The following ESRRG variants were observed in gnomAD, a reference collection of about 807,000 sequenced individuals.
The protein encoded by ESRRG is estrogen-related receptor gamma.
In ESRRG, 13 loss-of-function variants were observed where a neutral mutation model predicts 44.0. The observed-to-expected ratio is 0.30, with a 90% CI of 0.19 to 0.47. The LOEUF is 0.47. Ranked by LOEUF, ESRRG falls within the 20% of genes least tolerant of loss-of-function variation. ESRRG has a pLI of 1.00. For synonymous variants in ESRRG, 215 were observed against 214.6 expected (o/e 1.00, Z -0.02); for missense variants, 395 against 580.6 (o/e 0.68, Z 3.29).
At chr1:216,987,433 T>C (rs2075048014) in intron 1 of ESRRG, among the ~76,000 whole-genome samples, 1 of 152,220 alleles carries the variant, frequency 6.6e-6, no homozygotes, top group African/African-American at 2.4e-5. Context: ...TTTCTCATAC[T>C]GAACGTTTGG....
intron 1 of ESRRG, among the ~76,000 whole-genome samples, chr1:217,100,409 C>T (rs913849044): frequency 1.3e-5 from 2 of 152,168 alleles, no homozygotes; most frequent in African/African-American, 2.4e-5. Flanking sequence ...GTTAGGTGCC[C>T]TTTGACAGTA....
At chr1:216,647,409 T>C (rs959590981) in intron 3 of ESRRG, among the ~76,000 whole-genome samples, 1 of 152,212 alleles carries the variant, frequency 6.6e-6, no homozygotes, top group African/African-American at 2.4e-5. Flanking sequence ...TGTTTTACTG[T>C]ACTTCTCAAA....
intron 2 of ESRRG, among the ~76,000 whole-genome samples, chr1:216,932,454 G>A (rs538581236): frequency 1.9e-4 from 29 of 152,176 alleles, no homozygotes; most frequent in South Asian, 1.7e-3. Context: ...ACTACTTCCC[G>A]ATAATAAATT....
chr1:216,907,375 G>T (rs1188677964), intron 2 of ESRRG, among the ~76,000 whole-genome samples: 5 of 152,176 alleles, frequency 3.3e-5, no homozygotes, highest in Non-Finnish European at 7.3e-5. Flanking sequence ...AGGGATTCCG[G>T]CTCGGCAACT....
At chr1:216,960,095 T>G (rs1374139974) in intron 1 of ESRRG, among the ~76,000 whole-genome samples, 2 of 152,036 alleles carry the variant, frequency 1.3e-5, no homozygotes, top group Non-Finnish European at 2.9e-5. Context: ...TACATTTAAT[T>G]TGAATTACAA....
chr1:216,574,840 GT>G (rs1357860743), intron 3 of ESRRG, among the ~76,000 whole-genome samples: 2 of 152,096 alleles, frequency 1.3e-5, no homozygotes, highest in African/African-American at 4.8e-5. Context: ...AAACAATAAG[GT>G]AAAGAGGACA....
intron 2 of ESRRG, among the ~76,000 whole-genome samples, chr1:216,844,784 G>A (rs972940990): frequency 1.3e-5 from 2 of 150,196 alleles, no homozygotes; most frequent in Non-Finnish European, 2.9e-5. Flanking sequence ...TGTGTGTGTG[G>A]TGTGCACACA....
At chr1:217,001,352 T>G (rs2077013299) in intron 1 of ESRRG, among the ~76,000 whole-genome samples, 1 of 152,214 alleles carries the variant, frequency 6.6e-6, no homozygotes, top group African/African-American at 2.4e-5. Flanking sequence ...CACCAGAGTC[T>G]GAAAATGAGT....
intron 2 of ESRRG, among the ~76,000 whole-genome samples, chr1:216,907,845 G>A (rs1469499082): frequency 6.6e-6 from 1 of 152,062 alleles, no homozygotes; most frequent in African/African-American, 2.4e-5. Context: ...AGGAAGCCAG[G>A]CACAAAGAAT....
intron 5 of ESRRG, among the ~76,000 whole-genome samples, chr1:216,534,284 A>G (rs189209072): frequency 6.6e-6 from 1 of 152,234 alleles, no homozygotes; most frequent in African/African-American, 2.4e-5. Flanking sequence ...AAATCAAATG[A>G]GAGAAGGAAA....
intron 1 of ESRRG, among the ~76,000 whole-genome samples, chr1:216,977,715 G>T (rs1334044870): frequency 1.3e-5 from 2 of 152,042 alleles, no homozygotes; most frequent in Non-Finnish European, 2.9e-5. Flanking sequence ...TAACCAGCTG[G>T]GTTGCTGTGG....
chr1:216,605,379 TA>T (rs374667676), intron 3 of ESRRG, among the ~76,000 whole-genome samples: 28 of 150,872 alleles, frequency 1.9e-4, no homozygotes, highest in African/African-American at 6.1e-4. Flanking sequence ...ATCATTCTAT[TA>T]AAAAAAAACA....
At chr1:217,014,984 C>G (rs1036470315) in intron 1 of ESRRG, among the ~76,000 whole-genome samples, 1 of 152,140 alleles carries the variant, frequency 6.6e-6, no homozygotes, top group Non-Finnish European at 1.5e-5. Context: ...ACATTCCAAG[C>G]ATCACTTAGA....
chr1:216,529,985 G>A (rs2048807268), intron 5 of ESRRG, among the ~76,000 whole-genome samples: 2 of 151,612 alleles, frequency 1.3e-5, no homozygotes, highest in Non-Finnish European at 1.5e-5. Flanking sequence ...AGTGGCATGG[G>A]TATGTATTCC....
intron 2 of ESRRG, among the ~76,000 whole-genome samples, chr1:216,914,955 G>C (rs1309067430): frequency 6.6e-6 from 1 of 152,182 alleles, no homozygotes; most frequent in Non-Finnish European, 1.5e-5. Context: ...TTAAGTACTA[G>C]TTTCCCAGAC....
intron 5 of ESRRG, among the ~76,000 whole-genome samples, chr1:216,531,856 G>T (rs1386033620): frequency 1.3e-5 from 2 of 152,008 alleles, no homozygotes; most frequent in African/African-American, 4.8e-5. Flanking sequence ...GCTTTGATCT[G>T]CTGGAGAGTG....
rs6143621 is a variant in ESRRG at position 216,983,686 on chromosome 1, ATGTGTGTGTG to A, written c.-105-44023_-105-44014del. Among the ~76,000 whole-genome samples the A allele has an allele frequency of 9.1e-3, 1,357 of 149,448 alleles. 19 individuals carry two copies. The highest frequency in any genetic ancestry group is 0.019 in the African/African-American group (789 of 40,748). On this transcript the variant is annotated intron_variant, in intron 1 of 7. Transcript: ENST00000359162. Reference sequence around the variant, plus strand: ...AATAATCCCTTTCGCGTGCATGTGCATGTGTGTGTGTGTGTGTGTGTGTGTGTGTGTGTGT... The same window carrying A: ...AATAATCCCTTTCGCGTGCATGTGCATGTGTGTGTGTGTGTGTGTGTGTGT...
intron 1 of ESRRG, chr1:216,714,672 G>T (rs2084415403): frequency 2.4e-6 from 1 of 410,594 alleles, no homozygotes; most frequent in Non-Finnish European, 3.3e-6. Flanking sequence ...TACAATTTGA[G>T]TTTTTAACCT....
At chr1:216,625,319 C>T (rs1196313710) in intron 3 of ESRRG, among the ~76,000 whole-genome samples, 1 of 151,012 alleles carries the variant, frequency 6.6e-6, no homozygotes, top group Non-Finnish European at 1.5e-5. Flanking sequence ...ACTGGGTCCA[C>T]CCTGCTTATC....
Sources: gnomAD v4.1 joint callset for allele counts (sites outside exome capture counted in the v4.1 genomes callset) on GRCh38, gnomAD v4.1.1 for gene constraint, MANE v1.5 for transcripts, NCBI Gene and HGNC (gene_info 2026-07-23, HGNC 2026-07-21) for gene names.